COL6A6: variants seen among roughly 807,000 people sequenced by gnomAD.
COL6A6 encodes collagen type VI alpha 6 chain.
Under a neutral mutation model 208.6 loss-of-function variants are expected in COL6A6, and 183 were observed. The observed-to-expected ratio is 0.88, with a 90% confidence interval of 0.78 to 0.99. COL6A6 has a LOEUF of 0.99. Among genes scored for constraint, COL6A6 ranks in the 50% least tolerant of loss-of-function variants. COL6A6 has a pLI of 0.00. For missense variants in COL6A6, 2,816 were observed against 2,815.2 expected, an observed-to-expected ratio of 1.00 and a Z score of -0.01; for synonymous variants, 973 against 1,011.8, an observed-to-expected ratio of 0.96 and a Z score of 0.73.
intron 13 of COL6A6, 51 bp from the exon 14 acceptor site, chr3:130,592,490 G>T (rs2063741992): frequency 7.1e-7 from 1 of 1,413,434 alleles, no homozygotes; most frequent in African/African-American, 1.4e-5. Context: ...TTTCAAGACA[G>T]ATCTCAGATT....
chr3:130,625,346 C>T (rs1208279201), intron 24 of COL6A6, among the ~76,000 whole-genome samples: 1 of 152,164 alleles, frequency 6.6e-6, no homozygotes, highest in African/African-American at 2.4e-5. Flanking sequence ...GTAGGTTGCA[C>T]ATACTTTCAC....
At chr3:130,541,818 G>A (rs533869693) in intron 1 of COL6A6, among the ~76,000 whole-genome samples, 6 of 152,286 alleles carry the variant, frequency 3.9e-5, no homozygotes, top group Non-Finnish European at 7.3e-5. Flanking sequence ...TTTCTGTTTT[G>A]GAAGTTTATT....
At chr3:130,591,598 T>C (rs1055348442) in intron 13 of COL6A6, among the ~76,000 whole-genome samples, 18 of 152,260 alleles carry the variant, frequency 1.2e-4, no homozygotes, top group African/African-American at 4.3e-4. Flanking sequence ...GTTACATATA[T>C]GTGTGCCTGG....
chr3:130,643,539 GC>G (rs1401320115), intron 31 of COL6A6, among the ~76,000 whole-genome samples: 2 of 152,046 alleles, frequency 1.3e-5, no homozygotes, highest in African/African-American at 4.8e-5. Flanking sequence ...TACTCATTCT[GC>G]CAATATTTTT....
chr3:130,599,707 CTG>C, intron 19 of COL6A6, 48 bp from the exon 20 acceptor site: 1 of 1,592,986 alleles, frequency 6.3e-7, no homozygotes, highest in South Asian at 1.1e-5. Flanking sequence ...AAGAGAAACT[CTG>C]TCAATGCTGC....
At chr3:130,662,385 A>G (rs1283382974) in intron 35 of COL6A6, 77 bp downstream of exon 35, 4 of 1,385,018 alleles carry the variant, frequency 2.9e-6, no homozygotes, top group Non-Finnish European at 3.9e-6. Context: ...ATGAGCTAAC[A>G]TGGATACTTG....
rs953104398 is a variant in COL6A6 at position 130,574,947 on chromosome 3, G to A, written c.3547+422G>A. ...AGGTAGGTAAGAAACCTCCCTAGAG[G>A]TTTATATCTTTATTATGAAATTTTA... is the stretch of plus-strand genomic sequence containing the variant. On this transcript the variant is annotated intron_variant, in intron 8 of 36. Coordinates refer to ENST00000358511, the MANE Select transcript of COL6A6 (RefSeq NM_001102608.3). Among the ~76,000 whole-genome samples the A allele has an allele frequency of 3.3e-5, 5 of 152,132 alleles. No individual in the cohort carries two copies. In the South Asian group the frequency reaches 6.2e-4, roughly 19 times the overall value.
chr3:130,639,395 C>CA (rs1182023850), intron 28 of COL6A6, among the ~76,000 whole-genome samples: 1 of 152,090 alleles, frequency 6.6e-6, no homozygotes, highest in African/African-American at 2.4e-5. Context: ...GAATTGAAGA[C>CA]AAAAAGACTG....
intron 23 of COL6A6, among the ~76,000 whole-genome samples, chr3:130,620,580 C>A (rs2064684791): frequency 6.6e-6 from 1 of 151,822 alleles, no homozygotes; most frequent in African/African-American, 2.4e-5. Context: ...TGGAGGGTGA[C>A]AATATTGAGA....
intron 24 of COL6A6, among the ~76,000 whole-genome samples, chr3:130,622,535 C>G (rs1211046011): frequency 6.6e-6 from 1 of 151,976 alleles, no homozygotes; most frequent in Non-Finnish European, 1.5e-5. Flanking sequence ...AGAAGTATTT[C>G]TGGGATGCAA....
intron 32 of COL6A6, among the ~76,000 whole-genome samples, chr3:130,648,188 A>G (rs890899278): frequency 6.6e-6 from 1 of 152,256 alleles, no homozygotes; most frequent in Non-Finnish European, 1.5e-5. Context: ...TACCAACCAT[A>G]ATCAGTTTCT....
rs751837539 is a variant in COL6A6 at position 130,675,334 on chromosome 3, A to G, written c.6729A>G (p.Arg2243=). The part of the protein sequence containing the change: ...GRDDAIQNFM[R]STSHTFKNGR... ...ATGATGCTATTCAAAATTTTATGAG[A>G]AGCACCTCCCATACCTTTAAGAATG... The change falls in exon 37 of 37, where the codon AGA becomes AGG. Residue 2243 remains arginine, a synonymous_variant. Coordinates refer to ENST00000358511, the MANE Select transcript of COL6A6 (RefSeq NM_001102608.3). The G allele has an allele frequency of 3.1e-6, 5 of 1,601,566 alleles. No homozygotes were observed. The Admixed American group carries it at 8.6e-5, about 27-fold the overall frequency.
At chr3:130,662,801 GA>G (rs556015917) in intron 35 of COL6A6, among the ~76,000 whole-genome samples, 5 of 152,294 alleles carry the variant, frequency 3.3e-5, no homozygotes, top group Admixed American at 3.3e-4. Flanking sequence ...TTACCTGTCA[GA>G]ATGAAAAATA....
chr3:130,671,884 C>T (rs1419154422), intron 36 of COL6A6, among the ~76,000 whole-genome samples: 1 of 152,226 alleles, frequency 6.6e-6, no homozygotes, highest in African/African-American at 2.4e-5. Flanking sequence ...ACAATAAAGG[C>T]AGAAAGCCAC....
At chr3:130,657,261 C>G (rs1410151785) in intron 33 of COL6A6, among the ~76,000 whole-genome samples, 1 of 152,256 alleles carries the variant, frequency 6.6e-6, no homozygotes, top group East Asian at 1.9e-4. Flanking sequence ...GAACCAAGCA[C>G]AGCCTGCCAG....
Position 130,599,664 on chromosome 3 carries a change from T to A in COL6A6, c.4600-93T>A. The stretch of plus-strand genomic sequence containing the variant: ...TAACTCTCTCATTGGTGTGTGAACC[T>A]ATCTATCCTCCCTGGAGTAAAAGTT... On this transcript the variant is annotated intron_variant, in intron 19 of 36. Coordinates refer to ENST00000358511, the MANE Select transcript of COL6A6 (RefSeq NM_001102608.3). The A allele has an allele frequency of 4.7e-6, 6 of 1,278,854 alleles. No homozygotes were observed. In the Admixed American group the frequency reaches 1.1e-4, roughly 23 times the overall value. The allele number at this position is 1,278,854 out of a possible 1,614,324, so 79.2% of individuals were successfully genotyped here.
intron 32 of COL6A6, among the ~76,000 whole-genome samples, chr3:130,646,207 G>C (rs375286040): frequency 1.4e-4 from 21 of 151,526 alleles, no homozygotes; most frequent in Non-Finnish European, 2.5e-4. Context: ...GATAATGTAA[G>C]GGGGGGAGAT....
rs746683005 is a variant in COL6A6 at position 130,568,491 on chromosome 3, C to T, written c.2288C>T (p.Thr763Ile). Residue 763 changes from threonine to isoleucine, a missense_variant, in exon 6 of 37, where the codon ACC (threonine) becomes ATC (isoleucine). Physicochemically the swap from Thr to Ile is moderately conservative, Grantham distance 89 (BLOSUM62 -1). Transcript: ENST00000358511. ...GTGGGAGTGTTTGGCTCCAATGTCA[C>T]CCAGCTTGAGGAGATCAGTGGGAGG... ...YSVGVFGSNV[T>I]QLEEISGRPE... is the part of the protein sequence containing the mutation. 1 of 1,613,674 alleles carries T rather than the reference C, an allele frequency of 6.2e-7. No individual in the cohort carries two copies. The highest frequency in any genetic ancestry group is 1.3e-5 in the African/African-American group (1 of 74,894).
intron 2 of COL6A6, among the ~76,000 whole-genome samples, chr3:130,561,815 G>A (rs1243516056): frequency 1.3e-5 from 2 of 151,206 alleles, no homozygotes; most frequent in Non-Finnish European, 2.9e-5. Context: ...ACCGCGCCCG[G>A]CTAATTTTTT....
Sources: gnomAD v4.1 joint callset for allele counts (sites outside exome capture counted in the v4.1 genomes callset) on GRCh38, gnomAD v4.1.1 for gene constraint, MANE v1.5 for transcripts, NCBI Gene and HGNC (gene_info 2026-07-23, HGNC 2026-07-21) for gene names.